CTNND2: variants seen among roughly 807,000 people sequenced by gnomAD.
The protein encoded by CTNND2 is catenin delta-2.
CTNND2 carries 22 observed loss-of-function variants against 144.4 expected under a neutral mutation model. The observed-to-expected ratio is 0.15, with a 90% confidence interval of 0.11 to 0.22. The LOEUF (loss-of-function observed/expected upper bound fraction) is 0.22, where lower values mean the gene tolerates loss of function less well. Ranked by LOEUF, CTNND2 falls within the 10% of genes least tolerant of loss-of-function variation. The pLI, the probability that CTNND2 is intolerant of heterozygous loss-of-function variation, is 1.00. For synonymous variants in CTNND2, 751 were observed against 695.6 expected (o/e 1.08, Z -1.25); for missense variants, 1,353 against 1,618.8 (o/e 0.84, Z 2.82).
intron 3 of CTNND2, among the ~76,000 whole-genome samples, chr5:11,414,893 C>T (rs555216558): frequency 6.6e-6 from 1 of 152,328 alleles, no homozygotes; most frequent in South Asian, 2.1e-4. Context: ...GGATAATGGC[C>T]TCCAGCCCTA....
chr5:11,748,159 A>G (rs947983959), intron 1 of CTNND2, among the ~76,000 whole-genome samples: 1 of 151,902 alleles, frequency 6.6e-6, no homozygotes, highest in Non-Finnish European at 1.5e-5. Context: ...TTGACTTAGC[A>G]GTTTTTTAAA....
At chr5:11,361,218 G>A (rs939169465) in intron 8 of CTNND2, among the ~76,000 whole-genome samples, 10 of 151,992 alleles carry the variant, frequency 6.6e-5, no homozygotes, top group African/African-American at 1.9e-4. Context: ...ACGGGGTTTC[G>A]CCATGTTGGC....
rs1045969550 is a variant in CTNND2 at position 11,724,517 on chromosome 5, C to T, written c.174+7619G>A. On this transcript the variant is annotated intron_variant, in intron 2 of 21. Coordinates refer to ENST00000304623, the MANE Select transcript of CTNND2 (RefSeq NM_001332.4). The stretch of plus-strand genomic sequence containing the variant: ...AGTGGCTGTTTTGTTAATAGGTGGG[C>T]TGGATTCCAAGCTTATCTATTTCGG... 3.3e-5 allele frequency among the ~76,000 whole-genome samples: 5 copies of T among 152,090 alleles called. No homozygotes were observed. The East Asian group carries it at 9.6e-4, about 29-fold the overall frequency.
intron 2 of CTNND2, among the ~76,000 whole-genome samples, chr5:11,616,183 C>A (rs920322771): frequency 1.3e-5 from 2 of 151,996 alleles, no homozygotes; most frequent in African/African-American, 4.8e-5. Context: ...CCAATTTAAT[C>A]TCCTTCTCTC....
At chr5:11,415,091 T>C (rs906255027) in intron 3 of CTNND2, among the ~76,000 whole-genome samples, 13 of 152,212 alleles carry the variant, frequency 8.5e-5, no homozygotes, top group Non-Finnish European at 1.3e-4. Context: ...GGTACAATAA[T>C]TCATATTCCT....
chr5:11,665,501 T>C (rs765536861), intron 2 of CTNND2, among the ~76,000 whole-genome samples: 1 of 152,196 alleles, frequency 6.6e-6, no homozygotes, highest in Non-Finnish European at 1.5e-5. Context: ...GGGATTTCAC[T>C]TGAGGAGAAA....
intron 18 of CTNND2, among the ~76,000 whole-genome samples, chr5:11,004,218 T>C (rs984810116): frequency 6.6e-6 from 1 of 152,226 alleles, no homozygotes; most frequent in Non-Finnish European, 1.5e-5. Context: ...TTTGAGGCCT[T>C]AAAACAAAGA....
At chr5:11,716,359 CATTT>C (rs1786352259) in intron 2 of CTNND2, among the ~76,000 whole-genome samples, 1 of 152,260 alleles carries the variant, frequency 6.6e-6, no homozygotes, top group East Asian at 1.9e-4. Flanking sequence ...ACTTCTCATT[CATTT>C]ATTTATGTGT....
intron 1 of CTNND2, among the ~76,000 whole-genome samples, chr5:11,793,152 T>C (rs1272608432): frequency 6.6e-6 from 1 of 152,228 alleles, no homozygotes; most frequent in Non-Finnish European, 1.5e-5. Context: ...TATTGGTTTA[T>C]GGGGCTCCCG....
chr5:11,064,861 A>G lies in CTNND2; in HGVS notation c.2788+17835T>C, dbSNP rs569025572. Among the ~76,000 whole-genome samples, 5 of 152,300 alleles carry G rather than the reference A, an allele frequency of 3.3e-5. No homozygotes were observed. The South Asian group carries it at 1.0e-3, about 32-fold the overall frequency. On this transcript the variant is annotated intron_variant, in intron 16 of 21. Transcript: ENST00000304623. ...TACTATCTAGACTGATTCCTTATCTAATTAGACTAACTGGGATTTTAGGCA... is the reference window on the plus strand; with the variant it reads ...TACTATCTAGACTGATTCCTTATCTGATTAGACTAACTGGGATTTTAGGCA...
intron 9 of CTNND2, among the ~76,000 whole-genome samples, chr5:11,249,706 T>C (rs1743366277): frequency 6.6e-6 from 1 of 152,158 alleles, no homozygotes; most frequent in South Asian, 2.1e-4. Flanking sequence ...TTACATTAGA[T>C]TGTTTTAACC....
chr5:11,326,500 C>T (rs1257056105), intron 9 of CTNND2, among the ~76,000 whole-genome samples: 2 of 152,258 alleles, frequency 1.3e-5, no homozygotes, highest in East Asian at 3.9e-4. Flanking sequence ...ACCATCTCAG[C>T]CTGAAAGCCA....
intron 9 of CTNND2, among the ~76,000 whole-genome samples, chr5:11,296,368 C>CTG (rs1749001616): frequency 6.6e-6 from 1 of 152,126 alleles, no homozygotes; most frequent in Admixed American, 6.5e-5. Context: ...AAAAGGAACA[C>CTG]TTTTACACTG....
At chr5:11,078,349 G>C (rs1749171372) in intron 16 of CTNND2, among the ~76,000 whole-genome samples, 1 of 152,158 alleles carries the variant, frequency 6.6e-6, no homozygotes, top group South Asian at 2.1e-4. Context: ...TGTTGTTCTT[G>C]TCAAATTCTG....
chr5:11,859,126 C>T (rs998714371), intron 1 of CTNND2, among the ~76,000 whole-genome samples: 1 of 152,220 alleles, frequency 6.6e-6, no homozygotes, highest in Non-Finnish European at 1.5e-5. Flanking sequence ...CACTGAACCA[C>T]TGCAAGAGCA....
At chr5:11,545,662 CAAAAAAAAAAAA>C (rs34532125) in intron 3 of CTNND2, among the ~76,000 whole-genome samples, 1 of 74,272 alleles carries the variant, frequency 1.3e-5, no homozygotes, top group East Asian at 4.6e-4. Flanking sequence ...GACTGTGTCT[CAAAAAAAAAAAA>C]AAAAAAAAAA....
At chr5:11,388,483 C>G (rs1382576045) in intron 6 of CTNND2, among the ~76,000 whole-genome samples, 1 of 152,202 alleles carries the variant, frequency 6.6e-6, no homozygotes, top group African/African-American at 2.4e-5. Context: ...TCTTGGACAG[C>G]ACAGTTGTCT....
chr5:11,379,273 T>A (rs1758248557), intron 7 of CTNND2, among the ~76,000 whole-genome samples: 1 of 152,106 alleles, frequency 6.6e-6, no homozygotes, highest in Admixed American at 6.6e-5. Context: ...AAGCTGAAAA[T>A]TTATATTGCA....
chr5:11,236,929 A>G, intron 9 of CTNND2, 106 bp from the exon 10 acceptor site: 1 of 1,206,372 alleles, frequency 8.3e-7, no homozygotes, highest in Non-Finnish European at 1.2e-6. Context: ...AAAAGAAAAT[A>G]TTTCATAAAT....
Sources: allele counts gnomAD v4.1 joint callset (sites outside exome capture counted in the v4.1 genomes callset), GRCh38; gene constraint gnomAD v4.1.1; transcripts MANE v1.5; gene names NCBI Gene and HGNC (gene_info 2026-07-23, HGNC 2026-07-21).